The following PHF14 variants were observed in gnomAD, a reference collection of about 807,000 sequenced individuals.
The protein encoded by PHF14 is PHD finger protein 14.
PHF14 carries 55 observed loss-of-function variants against 117.9 expected under a neutral mutation model. That is an observed-to-expected ratio of 0.47 (90% CI 0.38 to 0.58). PHF14 has a LOEUF of 0.58. Ranked by LOEUF, PHF14 falls within the 20% of genes least tolerant of loss-of-function variation. The pLI is 0.00. For synonymous variants in PHF14, 409 were observed against 368.6 expected, an observed-to-expected ratio of 1.11 and a Z score of -1.26; for missense variants, 978 against 1,122.2, an observed-to-expected ratio of 0.87 and a Z score of 1.84.
At chr7:11,106,196 T>G (rs1361685520) in intron 16 of PHF14, 2 of 980,866 alleles carry the variant, frequency 2.0e-6, no homozygotes, top group Non-Finnish European at 2.4e-6. Flanking sequence ...CTAACTGAAT[T>G]GATCCCACTC....
At chr7:11,013,998 C>G (rs996290139) in intron 5 of PHF14, 92 bp downstream of exon 5, 41 of 731,976 alleles carry the variant, frequency 5.6e-5, no homozygotes, top group Non-Finnish European at 6.9e-5. Flanking sequence ...TACACACTTT[C>G]ATTTGATTGC....
intron 13 of PHF14, among the ~76,000 whole-genome samples, chr7:11,043,035 CTTT>C (rs987681806): frequency 3.2e-4 from 49 of 151,918 alleles, no homozygotes; most frequent in African/African-American, 1.1e-3. Flanking sequence ...ATAGATTCTT[CTTT>C]AAGGCATGAA....
intron 5 of PHF14, among the ~76,000 whole-genome samples, chr7:11,021,820 A>G (rs1783746257): frequency 6.6e-6 from 1 of 152,198 alleles, no homozygotes; most frequent in Non-Finnish European, 1.5e-5. Context: ...AAAAAGATTT[A>G]GAACTATTTT....
intron 5 of PHF14, among the ~76,000 whole-genome samples, chr7:11,016,168 C>G (rs1554260256): frequency 1.3e-5 from 2 of 152,006 alleles, no homozygotes; most frequent in East Asian, 1.9e-4. Context: ...GGCAAAAATT[C>G]TTTTATATAC....
chr7:11,088,363 T>C (rs1170982322), intron 16 of PHF14, among the ~76,000 whole-genome samples: 1 of 151,944 alleles, frequency 6.6e-6, no homozygotes. Flanking sequence ...GCAGACTGTA[T>C]TAACTTCAGA....
At chr7:10,999,518 C>T (rs551722367) in intron 4 of PHF14, among the ~76,000 whole-genome samples, 99 of 152,240 alleles carry the variant, frequency 6.5e-4, no homozygotes, top group Non-Finnish European at 1.2e-3. Context: ...GACCCTCGCT[C>T]TCTATTTTGT....
At chr7:11,041,693 C>A (rs1228870589) in intron 12 of PHF14, among the ~76,000 whole-genome samples, 1 of 151,810 alleles carries the variant, frequency 6.6e-6, no homozygotes, top group Non-Finnish European at 1.5e-5. Flanking sequence ...CATTCTCAGG[C>A]CAGCTTTTTC....
chr7:11,043,448 A>G (rs1315440174), intron 13 of PHF14, among the ~76,000 whole-genome samples: 1 of 152,140 alleles, frequency 6.6e-6, no homozygotes, highest in Non-Finnish European at 1.5e-5. Context: ...TAGGAAAAGG[A>G]AAACTTTGGA....
At chr7:11,033,411 C>G (rs897894121) in intron 7 of PHF14, among the ~76,000 whole-genome samples, 2 of 152,144 alleles carry the variant, frequency 1.3e-5, no homozygotes, top group African/African-American at 2.4e-5. Flanking sequence ...TGGATTCTTC[C>G]TCATTGGAAG....
intron 17 of PHF14, among the ~76,000 whole-genome samples, chr7:11,161,697 TA>T (rs1361507303): frequency 1.1e-4 from 17 of 147,958 alleles, no homozygotes; most frequent in African/African-American, 3.7e-4. Flanking sequence ...TTTATTTAAA[TA>T]AAAATATTAT....
intron 16 of PHF14, 129 bp from the exon 17 acceptor site, chr7:11,111,221 G>A (rs1236709752): frequency 4.4e-6 from 2 of 457,124 alleles, no homozygotes; most frequent in Non-Finnish European, 7.8e-6. Flanking sequence ...TAATGATCTT[G>A]TGAGCCAAGG....
At chr7:11,050,912 GT>G (rs1784833315) in intron 13 of PHF14, among the ~76,000 whole-genome samples, 1 of 152,084 alleles carries the variant, frequency 6.6e-6, no homozygotes, top group South Asian at 2.1e-4. Flanking sequence ...TTCAGCACAA[GT>G]TGTCACTGAC....
At chr7:11,088,370 C>G (rs1786501077) in intron 16 of PHF14, among the ~76,000 whole-genome samples, 1 of 151,212 alleles carries the variant, frequency 6.6e-6, no homozygotes, top group Non-Finnish European at 1.5e-5. Flanking sequence ...GTATTAACTT[C>G]AGAAGGTAAT....
intron 3 of PHF14, among the ~76,000 whole-genome samples, chr7:10,985,314 T>G (rs917215060): frequency 6.6e-6 from 1 of 152,152 alleles, no homozygotes; most frequent in Non-Finnish European, 1.5e-5. Flanking sequence ...TGAAGTTTGA[T>G]TTTCCCTGCT....
chr7:10,989,254 A>T (rs886638732), intron 3 of PHF14, among the ~76,000 whole-genome samples: 1 of 152,188 alleles, frequency 6.6e-6, no homozygotes, highest in Admixed American at 6.5e-5. Context: ...GTGACCTTCA[A>T]GTGTATTCAA....
chr7:11,128,768 C>G (rs920502689), intron 17 of PHF14, among the ~76,000 whole-genome samples: 2 of 151,480 alleles, frequency 1.3e-5, no homozygotes, highest in African/African-American at 4.8e-5. Flanking sequence ...CTCTCCCTCT[C>G]TTTTTCTCTT....
At chr7:11,010,675 A>G (rs1256700388) in intron 4 of PHF14, among the ~76,000 whole-genome samples, 3 of 152,148 alleles carry the variant, frequency 2.0e-5, no homozygotes, top group Non-Finnish European at 4.4e-5. Flanking sequence ...CTGAAAAAAT[A>G]TATATACTTT....
rs201677864 is a variant in PHF14 at position 11,051,767 on chromosome 7, C to T, written c.2468C>T (p.Pro823Leu). 333 of 1,612,726 alleles carry T rather than the reference C, an allele frequency of 2.1e-4. 4 individuals carry two copies. Among genetic ancestry groups the T allele is most frequent in the Middle Eastern group, 2.0e-3 (12 of 6,062 alleles). Residue 823 changes from proline (P) to leucine (L), a missense_variant, in exon 14 of 18, where the codon CCG becomes CTG. Coordinates refer to ENST00000634607, the MANE Select transcript of PHF14 (RefSeq NM_001007157.2). ...GTGCCACCAGAACCCAAGAAGATTC[C>T]GATAAGAAACACGGTAGTTTATTTT... ...QDVPPEPKKI[P>L]IRNTRTRGRK...
In PHF14 at chr7:10,996,009, G is replaced by A. The variant is rs758720557; in HGVS notation, c.1045+5162G>A. 4.6e-5 allele frequency among the ~76,000 whole-genome samples: 7 copies of A among 152,246 alleles called. 1 individual carries two copies. The highest frequency in any genetic ancestry group is 2.1e-4 in the South Asian group (1 of 4,834). On this transcript the variant is annotated intron_variant, in intron 4 of 17. Transcript: ENST00000634607. ...TGCAGGCTGAAGGCTCCTCAAGTGCGGCCAGAGTGGGCGCCAAGGCCGAGG... is the reference window on the plus strand; with the variant it reads ...TGCAGGCTGAAGGCTCCTCAAGTGCAGCCAGAGTGGGCGCCAAGGCCGAGG...
Sources: gnomAD v4.1 joint callset for allele counts (sites outside exome capture counted in the v4.1 genomes callset) on GRCh38, gnomAD v4.1.1 for gene constraint, MANE v1.5 for transcripts, NCBI Gene and HGNC (gene_info 2026-07-23, HGNC 2026-07-21) for gene names.